CD320: variants seen among roughly 807,000 people sequenced by gnomAD.
CD320 encodes CD320 antigen.
CD320 carries 16 observed loss-of-function variants against 22.1 expected under a neutral mutation model. The observed-to-expected ratio is 0.73, with a 90% CI of 0.49 to 1.10. The LOEUF (loss-of-function observed/expected upper bound fraction) is 1.10. CD320 is among the 50% of genes least tolerant of loss of function. The probability of loss-of-function intolerance (pLI) is 0.00; values close to 1 mark genes in which losing one functional copy is unlikely to be tolerated. For missense variants in CD320, 388 were observed against 376.9 expected (o/e 1.03, Z -0.24); for synonymous variants, 188 against 167.8 (o/e 1.12, Z -0.93).
At chr19:8,305,319 C>T (rs768990322) in intron 1 of CD320, 163 bp from the exon 2 acceptor site, 567 of 766,334 alleles carry the variant, frequency 7.4e-4, no homozygotes, top group Non-Finnish European at 1.1e-3. Flanking sequence ...GAGTGGGGTT[C>T]AGAGTGTAGC....
intron 1 of CD320, chr19:8,305,895 G>A (rs1473203025): frequency 1.3e-5 from 2 of 152,238 alleles, no homozygotes; most frequent in Non-Finnish European, 2.9e-5. Flanking sequence ...CCGGGCTCAG[G>A]TCAGCAGGGA....
chr19:8,305,184 G>A (rs1334508485), intron 1 of CD320, 28 bp from the exon 2 acceptor site: 2 of 1,568,242 alleles, frequency 1.3e-6, no homozygotes, highest in Non-Finnish European at 8.6e-7. Flanking sequence ...ATGAAGCCTG[G>A]GAAGCTGGAG....
chr19:8,306,728 C>A (rs902074112), intron 1 of CD320, among the ~76,000 whole-genome samples: 7 of 152,238 alleles, frequency 4.6e-5, no homozygotes, highest in African/African-American at 1.4e-4. Context: ...CAAACCGGTG[C>A]CTGCTTCCTT....
chr19:8,307,367 A>T (rs1052357506), intron 1 of CD320, among the ~76,000 whole-genome samples: 1 of 151,588 alleles, frequency 6.6e-6, no homozygotes, highest in Non-Finnish European at 1.5e-5. Context: ...AAACCCAGGA[A>T]CATTTAACGT....
chr19:8,305,043 C>T lies in CD320; in HGVS notation c.256G>A (p.Glu86Lys). ...CGTGGCCACTCACTGCACTCCTCCT[C>T]ATCGCTGCCATCGCTGCAGTCCAAG... is the stretch of plus-strand genomic sequence containing the variant. ...RDLDCSDGSD[E>K]EECRIEPCTQ... Residue 86 changes from glutamate (E) to lysine (K), a missense_variant, in exon 2 of 5, where the codon GAG becomes AAG. By Grantham distance (56) the Glu-to-Lys change is moderately conservative. Coordinates refer to ENST00000301458, the MANE Select transcript of CD320 (RefSeq NM_016579.4). 7 of 1,608,788 alleles carry T rather than the reference C, an allele frequency of 4.4e-6. No homozygotes were observed. The highest frequency in any genetic ancestry group is 5.9e-6 in the Non-Finnish European group (7 of 1,179,802).
At chr19:8,307,867 G>A (rs1208667297) in intron 1 of CD320, among the ~76,000 whole-genome samples, 1 of 152,172 alleles carries the variant, frequency 6.6e-6, no homozygotes, top group African/African-American at 2.4e-5. Context: ...CGGCTTGGAG[G>A]TGACAATGGG....
chr19:8,305,219 G>A (rs1970072007), intron 1 of CD320, 63 bp from the exon 2 acceptor site: 11 of 1,541,282 alleles, frequency 7.1e-6, no homozygotes, highest in South Asian at 4.8e-5. Flanking sequence ...CAAGAGCACA[G>A]TAGTCACTGG....
intron 1 of CD320, among the ~76,000 whole-genome samples, chr19:8,307,495 G>A (rs1410922238): frequency 1.3e-5 from 2 of 152,134 alleles, no homozygotes. Flanking sequence ...TGAGTGCACA[G>A]GGAGGCCACT....
In CD320 at chr19:8,305,076, C is replaced by T. The variant is rs1244623949; in HGVS notation, c.223G>A (p.Asp75Asn). The change falls in exon 2 of 5, where the codon GAC (aspartate) becomes AAC (asparagine). Residue 75 changes from aspartate to asparagine, a missense_variant. Asp to Asn is a conservative substitution (Grantham distance 23, BLOSUM62 1). Transcript: ENST00000301458. ...CCATCGCTGCAGTCCAAGTCCCTGTCGCAGCGCCAGGTGAGGGGCACGCAT... is the reference window on the plus strand; with the variant it reads ...CCATCGCTGCAGTCCAAGTCCCTGTTGCAGCGCCAGGTGAGGGGCACGCAT... ...GLCVPLTWRC[D>N]RDLDCSDGSD... 6.2e-6 allele frequency: 10 copies of T among 1,612,336 alleles called. No homozygotes were observed. Among genetic ancestry groups the T allele is most frequent in the Admixed American group, 1.7e-5 (1 of 60,000 alleles).
intron 3 of CD320, 88 bp downstream of exon 3, chr19:8,303,767 T>C (rs1285568674): frequency 1.2e-6 from 1 of 866,120 alleles, no homozygotes; most frequent in African/African-American, 1.7e-5. Context: ...CAAAGGCATG[T>C]GTCCACGCCC....
Position 8,302,208 on chromosome 19 carries a change from G to A in CD320, c.*255C>T, listed in dbSNP as rs1309286517. 1.5e-6 allele frequency: 1 copy of A among 668,060 alleles called. No homozygotes were observed. Among genetic ancestry groups the A allele is most frequent in the Non-Finnish European group, 2.8e-6 (1 of 363,190 alleles). The allele number at this position is 668,060 out of a possible 1,614,324, so 41.4% of individuals were successfully genotyped here. A position where few individuals can be genotyped will look rare whatever the true frequency, so the allele number is the denominator to read the frequency against. The stretch of plus-strand genomic sequence containing the variant: ...AGCACAGGGCCGTTCTACCCCCTGG[G>A]AGCTGCCTGGGGCCAGCCCCTCAGT... On this transcript the variant is annotated 3_prime_UTR_variant, in exon 5 of 5. Transcript: ENST00000301458.
rs1201288065 is a variant in CD320 at position 8,304,005 on chromosome 19, C to G, written c.352G>C (p.Gly118Arg). Reference protein sequence around the residue: ...CPCTGVSDCSGGTDKKLRNCS... With the variant: ...CPCTGVSDCSRGTDKKLRNCS... ...TTGCGCAGTTTCTTGTCAGTTCCCC[C>G]AGAGCAGTCACTGACGCCGGTGCAG... Residue 118 changes from glycine to arginine, a missense_variant, in exon 3 of 5, where the codon GGG (glycine) becomes CGG (arginine). Coordinates refer to ENST00000301458, the MANE Select transcript of CD320 (RefSeq NM_016579.4). The G allele has an allele frequency of 1.9e-6, 3 of 1,569,538 alleles. No individual in the cohort carries two copies. In the Admixed American group the frequency reaches 5.7e-5, roughly 30 times the overall value.
At position 8,305,251 on chromosome 19, in the gene CD320, C is replaced by A. The variant is rs569873806; in HGVS notation, c.143-95G>T. 11 of 1,470,836 alleles carry A rather than the reference C, an allele frequency of 7.5e-6. No individual in the cohort carries two copies. The African/African-American group carries it at 1.4e-4, about 19-fold the overall frequency. The allele number at this position is 1,470,836 out of a possible 1,614,324, so 91.1% of individuals were successfully genotyped here. ...CTGGCTGTGATCCGCAGGAGACAGGCGAAGTCCCGGGATATAGGAACCACA... is the reference window on the plus strand; with the variant it reads ...CTGGCTGTGATCCGCAGGAGACAGGAGAAGTCCCGGGATATAGGAACCACA... On this transcript the variant is annotated intron_variant, in intron 1 of 4. Transcript: ENST00000301458.
rs772010099 is a variant in CD320 at position 8,302,766 on chromosome 19, G to C, written c.706+11C>G. 6.2e-7 allele frequency: 1 copy of C among 1,613,882 alleles called. No individual in the cohort carries two copies. Among genetic ancestry groups the C allele is most frequent in the Admixed American group, 1.7e-5 (1 of 60,016 alleles). On this transcript the variant is annotated intron_variant, in intron 4 of 4. Coordinates refer to ENST00000301458, the MANE Select transcript of CD320 (RefSeq NM_016579.4). Reference sequence around the variant, plus strand: ...CTAAGCCCCCAGCATGGGAGGGTAAGTCCCTCTTACCAGCAGCTGCAATAA... The same window carrying C: ...CTAAGCCCCCAGCATGGGAGGGTAACTCCCTCTTACCAGCAGCTGCAATAA...
Position 8,302,442 on chromosome 19 carries a change from G to A in CD320, c.*21C>T, listed in dbSNP as rs765067204. On this transcript the variant is annotated 3_prime_UTR_variant, in exon 5 of 5. Coordinates refer to ENST00000301458, the MANE Select transcript of CD320 (RefSeq NM_016579.4). ...CCGGCTACGCCCAGGGCTGAGTGAC[G>A]GTGGTGGCAAGTGCTTGTCCTCAGG... is the stretch of plus-strand genomic sequence containing the variant. 19 of 1,613,904 alleles carry A rather than the reference G, an allele frequency of 1.2e-5. No individual in the cohort carries two copies. Among genetic ancestry groups the A allele is most frequent in the Admixed American group, 3.3e-5 (2 of 60,010 alleles).
intron 1 of CD320, among the ~76,000 whole-genome samples, chr19:8,306,312 C>T (rs1970087273): frequency 1.3e-5 from 2 of 152,164 alleles, no homozygotes; most frequent in Admixed American, 1.3e-4. Context: ...GGGCTGTGAC[C>T]TGGCCGCCTA....
rs1970016672 is a variant in CD320, at chr19:8,302,183, A to G, written c.*280T>C. 1.6e-6 allele frequency: 1 copy of G among 625,844 alleles called. No individual in the cohort carries two copies. Among genetic ancestry groups the G allele is most frequent in the Non-Finnish European group, 3.0e-6 (1 of 335,438 alleles). The allele number at this position is 625,844 out of a possible 1,614,324, so 38.8% of individuals were successfully genotyped here. ...CAGACGGGGCAGCAGGAGTGTCTTA[A>G]GCACAGGGCCGTTCTACCCCCTGGG... is the stretch of plus-strand genomic sequence containing the variant. On this transcript the variant is annotated 3_prime_UTR_variant, in exon 5 of 5. Coordinates refer to ENST00000301458, the MANE Select transcript of CD320 (RefSeq NM_016579.4).
At chr19:8,306,382 C>A (rs1970088064) in intron 1 of CD320, among the ~76,000 whole-genome samples, 2 of 152,176 alleles carry the variant, frequency 1.3e-5, no homozygotes, top group Non-Finnish European at 2.9e-5. Flanking sequence ...CAAGCTGGGT[C>A]CAGAGAAGAT....
intron 1 of CD320, among the ~76,000 whole-genome samples, chr19:8,307,054 G>T (rs1025277578): frequency 6.9e-6 from 1 of 145,008 alleles, no homozygotes; most frequent in Admixed American, 6.7e-5. Context: ...CACTTTGGGA[G>T]GCTGAGGCGG....
Sources: allele counts gnomAD v4.1 joint callset (sites outside exome capture counted in the v4.1 genomes callset), GRCh38; gene constraint gnomAD v4.1.1; transcripts MANE v1.5; gene names NCBI Gene and HGNC (gene_info 2026-07-23, HGNC 2026-07-21).